Variants in CCNJL observed in about 807,000 individuals in gnomAD.
CCNJL encodes the protein cyclin-J-like protein.
In CCNJL, 33 loss-of-function variants were observed where a neutral mutation model predicts 33.4. That is an observed-to-expected ratio of 0.99 (90% CI 0.75 to 1.32). The LOEUF is 1.32. Ranked by LOEUF, CCNJL falls within the 40% of genes most tolerant of loss-of-function variation. The pLI is 0.00. For missense variants in CCNJL, 512 were observed against 499.7 expected, an observed-to-expected ratio of 1.02 and a Z score of -0.23; for synonymous variants, 227 against 220.9, an observed-to-expected ratio of 1.03 and a Z score of -0.24.
intron 1 of CCNJL, among the ~76,000 whole-genome samples, chr5:160,324,669 GT>G (rs746111199): frequency 2.9e-4 from 42 of 144,664 alleles, no homozygotes; most frequent in Non-Finnish European, 5.7e-4. Flanking sequence ...TAGAATCAGT[GT>G]TTCCTCAAAT....
chr5:160,335,119 C>T (rs1763666703), intron 1 of CCNJL, among the ~76,000 whole-genome samples: 1 of 152,124 alleles, frequency 6.6e-6, no homozygotes, highest in Non-Finnish European at 1.5e-5. Context: ...AGCAATTAGT[C>T]AGGTGTGGTG....
Position 160,253,519 on chromosome 5 carries a change from A to T in CCNJL, c.1023T>A (p.Asp341Glu), listed in dbSNP as rs751707240. Residue 341 changes from aspartate to glutamate, a missense_variant, in exon 6 of 6, where the codon GAT (aspartate) becomes GAA (glutamate). Physicochemically the swap from Asp to Glu is conservative, Grantham distance 45. Transcript: ENST00000257536. ...HTPYQPLQPL[D>E]MCPVPVPASL... ...ATGCAGGGACGGGCACGGGACACAT[A>T]TCCAAGGGCTGCAGCGGTTGGTACG... is the stretch of plus-strand genomic sequence containing the variant. 6.2e-7 allele frequency: 1 copy of T among 1,614,200 alleles called. No homozygotes were observed. Among genetic ancestry groups the T allele is most frequent in the South Asian group, 1.1e-5 (1 of 91,090 alleles).
At chr5:160,320,905 T>A (rs1329778333) in intron 1 of CCNJL, among the ~76,000 whole-genome samples, 11 of 148,000 alleles carry the variant, frequency 7.4e-5, no homozygotes, top group African/African-American at 2.7e-4. Flanking sequence ...CTTCCCTCCC[T>A]CCCTCTGTCC....
At chr5:160,254,042 C>G (rs1187579651) in intron 5 of CCNJL, 1 of 469,954 alleles carries the variant, frequency 2.1e-6, no homozygotes. Flanking sequence ...CCAGACTAGG[C>G]TGGCTGTCCC....
At chr5:160,288,064 AAG>A (rs1468083321) in intron 2 of CCNJL, among the ~76,000 whole-genome samples, 25 of 152,178 alleles carry the variant, frequency 1.6e-4, no homozygotes, top group Admixed American at 1.5e-3. Context: ...TTCCGGGAAA[AAG>A]AAATCCACCT....
chr5:160,304,271 G>A (rs1581007202), intron 2 of CCNJL, among the ~76,000 whole-genome samples: 1 of 152,132 alleles, frequency 6.6e-6, no homozygotes, highest in Non-Finnish European at 1.5e-5. Context: ...TCGAGAATAC[G>A]GGTGAAGCAC....
At chr5:160,304,406 T>G (rs753570236) in intron 2 of CCNJL, among the ~76,000 whole-genome samples, 3 of 152,216 alleles carry the variant, frequency 2.0e-5, no homozygotes, top group Non-Finnish European at 2.9e-5. Flanking sequence ...CTAAGACAGC[T>G]TGAATCACCT....
In CCNJL at chr5:160,253,683, C is replaced by A. The variant is rs1390769180; in HGVS notation, c.859G>T (p.Ala287Ser). 6.2e-7 allele frequency: 1 copy of A among 1,607,522 alleles called. No individual in the cohort carries two copies. Among genetic ancestry groups the A allele is most frequent in the Non-Finnish European group, 8.5e-7 (1 of 1,176,048 alleles). Residue 287 changes from alanine to serine, a missense_variant, in exon 6 of 6, where the codon GCC becomes TCC. By Grantham distance (99) the Ala-to-Ser change is moderately conservative. Coordinates refer to ENST00000257536, the MANE Select transcript of CCNJL (RefSeq NM_001308173.3). Reference protein sequence around the residue: ...QVLFQPPAYPALGQPATTLAQ... With the variant: ...QVLFQPPAYPSLGQPATTLAQ... ...AGGGTGGTCGCTGGCTGGCCGAGGG[C>A]CGGGTAGGCTGGTGGCTGGAACAGC...
At chr5:160,258,930 C>T (rs1175349506) in intron 4 of CCNJL, among the ~76,000 whole-genome samples, 2 of 152,310 alleles carry the variant, frequency 1.3e-5, no homozygotes, top group Middle Eastern at 6.8e-3. Flanking sequence ...CTCCTGACCT[C>T]GTGATCTGTC....
chr5:160,261,721 T>C (rs1761344384), intron 3 of CCNJL, among the ~76,000 whole-genome samples: 1 of 152,002 alleles, frequency 6.6e-6, no homozygotes, highest in Non-Finnish European at 1.5e-5. Context: ...ACCCCCCTTA[T>C]CGGTGTCCTC....
At chr5:160,304,299 C>T (rs1345322503) in intron 2 of CCNJL, among the ~76,000 whole-genome samples, 1 of 152,212 alleles carries the variant, frequency 6.6e-6, no homozygotes, top group African/African-American at 2.4e-5. Context: ...AGTTTCAAAG[C>T]TAGACACTAT....
chr5:160,314,743 G>A (rs996394824), upstream of CCNJL, among the ~76,000 whole-genome samples: 15 of 152,174 alleles, frequency 9.9e-5, no homozygotes, highest in African/African-American at 2.4e-4. Flanking sequence ...AACACCCTAC[G>A]TGCAGAAATG....
intron 2 of CCNJL, among the ~76,000 whole-genome samples, chr5:160,311,436 C>A (rs1763257131): frequency 1.3e-5 from 2 of 152,194 alleles, no homozygotes; most frequent in South Asian, 4.1e-4. Flanking sequence ...ACTGCGACAT[C>A]ATTATTACAA....
intron 1 of CCNJL, chr5:160,326,698 A>AT (rs768287624): frequency 1.1e-6 from 1 of 908,230 alleles, no homozygotes; most frequent in Non-Finnish European, 1.8e-6. Flanking sequence ...CCACCATGGC[A>AT]TACCATGGCC....
chr5:160,281,352 C>A (rs1762206750), intron 2 of CCNJL: 1 of 157,218 alleles, frequency 6.4e-6, no homozygotes, highest in Non-Finnish European at 1.4e-5. Context: ...CCCTTCACCT[C>A]AATTCCCTAA....
intron 4 of CCNJL, chr5:160,258,335 A>G (rs1470353149): frequency 3.9e-6 from 3 of 766,860 alleles, no homozygotes; most frequent in Non-Finnish European, 7.2e-6. Flanking sequence ...ACAGGATTCA[A>G]TAAACTGGGG....
At chr5:160,258,604 C>A in intron 4 of CCNJL, 1 of 1,321,838 alleles carries the variant, frequency 7.6e-7, no homozygotes, top group Non-Finnish European at 1.1e-6. Context: ...TAGTTGAAGT[C>A]TGTGGATGCA....
At chr5:160,276,131 A>C (rs1761999642) in intron 3 of CCNJL, 1 of 152,302 alleles carries the variant, frequency 6.6e-6, no homozygotes, top group Admixed American at 6.5e-5. Flanking sequence ...ACTGTGGCTC[A>C]CGCCTGTAAC....
chr5:160,286,530 C>T (rs776853929), intron 2 of CCNJL, among the ~76,000 whole-genome samples: 5 of 151,878 alleles, frequency 3.3e-5, no homozygotes, highest in African/African-American at 4.8e-5. Context: ...CCCAGTTACA[C>T]GGGAGGCTGA....
Sources: gnomAD v4.1 joint callset for allele counts (sites outside exome capture counted in the v4.1 genomes callset) on GRCh38, gnomAD v4.1.1 for gene constraint, MANE v1.5 for transcripts, NCBI Gene and HGNC (gene_info 2026-07-23, HGNC 2026-07-21) for gene names.